RFX3: variants seen among roughly 807,000 people sequenced by gnomAD.
RFX3 encodes the protein regulatory factor X3.
In RFX3, 14 loss-of-function variants were observed where a neutral mutation model predicts 98.6. The ratio of observed to expected loss-of-function variants is 0.14; its 90% CI spans 0.09 to 0.22. The LOEUF (loss-of-function observed/expected upper bound fraction) is 0.22. Ranked by LOEUF, RFX3 falls within the 10% of genes least tolerant of loss-of-function variation. The pLI is 1.00. For missense variants in RFX3, 639 were observed against 926.9 expected, an observed-to-expected ratio of 0.69 and a Z score of 4.03; for synonymous variants, 383 against 328.4, an observed-to-expected ratio of 1.17 and a Z score of -1.80.
intron 1 of RFX3, among the ~76,000 whole-genome samples, chr9:3,442,096 AG>A (rs1443261142): frequency 6.6e-6 from 1 of 152,152 alleles, no homozygotes; most frequent in Non-Finnish European, 1.5e-5. Context: ...GCTACTTGGG[AG>A]GCTGAGGCAG....
chr9:3,391,019 T>A (rs755499905), intron 2 of RFX3, among the ~76,000 whole-genome samples: 1 of 152,186 alleles, frequency 6.6e-6, no homozygotes, highest in African/African-American at 2.4e-5. Context: ...AACTTTCTCT[T>A]TATGTCAAAA....
intron 9 of RFX3, 167 bp downstream of exon 9, chr9:3,275,333 C>A (rs934728166): frequency 2.2e-6 from 1 of 464,090 alleles, no homozygotes; most frequent in Non-Finnish European, 3.8e-6. Flanking sequence ...CATCTCTCCA[C>A]TCTGAGACCA....
chr9:3,467,009 TA>T (rs1189806798), intron 1 of RFX3, among the ~76,000 whole-genome samples: 4 of 144,496 alleles, frequency 2.8e-5, no homozygotes, highest in Non-Finnish European at 6.0e-5. Context: ...AGAAAGCTGA[TA>T]TACCTAAATC....
intron 2 of RFX3, among the ~76,000 whole-genome samples, chr9:3,370,846 T>C (rs906615499): frequency 6.6e-5 from 10 of 152,182 alleles, no homozygotes; most frequent in African/African-American, 2.4e-4. Context: ...TGCATGTGTC[T>C]ATGATGTGGG....
chr9:3,485,559 T>C (rs1254126082), intron 1 of RFX3, among the ~76,000 whole-genome samples: 5 of 152,322 alleles, frequency 3.3e-5, no homozygotes, highest in Non-Finnish European at 5.9e-5. Flanking sequence ...CCCTCTGTAT[T>C]TGTTATCAAT....
chr9:3,376,219 C>G (rs899824264), intron 2 of RFX3, among the ~76,000 whole-genome samples: 2 of 152,114 alleles, frequency 1.3e-5, no homozygotes, highest in African/African-American at 2.4e-5. Flanking sequence ...AAGTAGAACT[C>G]TCATATACTG....
intron 4 of RFX3, among the ~76,000 whole-genome samples, chr9:3,317,394 T>C (rs1051034534): frequency 1.3e-5 from 2 of 152,176 alleles, no homozygotes; most frequent in African/African-American, 4.8e-5. Context: ...ACTTAAATGT[T>C]AGACCTAAAA....
chr9:3,361,150 G>A (rs923212185), intron 2 of RFX3, among the ~76,000 whole-genome samples: 71 of 152,254 alleles, frequency 4.7e-4, no homozygotes, highest in Middle Eastern at 6.8e-3. Context: ...GGTAGAGGCT[G>A]CTATGTGACT....
At chr9:3,340,541 T>C (rs1347052014) in intron 3 of RFX3, among the ~76,000 whole-genome samples, 1 of 151,964 alleles carries the variant, frequency 6.6e-6, no homozygotes, top group Non-Finnish European at 1.5e-5. Flanking sequence ...CGCAATGAAC[T>C]CAAACAAATT....
At chr9:3,325,806 C>T (rs894665404) in intron 4 of RFX3, among the ~76,000 whole-genome samples, 1 of 151,976 alleles carries the variant, frequency 6.6e-6, no homozygotes, top group East Asian at 1.9e-4. Flanking sequence ...GGTTCCAAAA[C>T]TCTAAAATTC....
rs1400829617 is a variant in RFX3 at position 3,247,002 on chromosome 9, TTATTA to T, written c.1968+1025_1968+1029del. 1.2e-5 allele frequency: 11 copies of T among 884,244 alleles called. No individual in the cohort carries two copies. In the African/African-American group the frequency reaches 1.8e-4, roughly 15 times the overall value. 54.8% of individuals were successfully genotyped at this position (884,244 alleles called of 1,614,324 possible). ...ATTTTAATGTATTTTTATTTATACC[TTATTA>T]TATTAAACTAGGAAAAGCATTGAAT... On this transcript the variant is annotated intron_variant, in intron 15 of 16. Transcript: ENST00000617270.
rs181340732 is a variant in RFX3 at position 3,375,732 on chromosome 9, G to A, written c.117+19740C>T. ...TCCCAGCACCTTGGGAGGCCAAGGC[G>A]GGTGGATCACAAGGTCAGGAGATCG... On this transcript the variant is annotated intron_variant, in intron 2 of 16. Coordinates refer to ENST00000617270, the MANE Select transcript of RFX3 (RefSeq NM_001282116.2). Among the ~76,000 whole-genome samples the A allele has an allele frequency of 3.3e-4, 50 of 152,220 alleles. 2 individuals are homozygous for A. Among genetic ancestry groups the A allele is most frequent in the Admixed American group, 2.2e-3 (33 of 15,296 alleles).
At chr9:3,292,690 A>T (rs1276584854) in intron 6 of RFX3, among the ~76,000 whole-genome samples, 1 of 152,152 alleles carries the variant, frequency 6.6e-6, no homozygotes, top group East Asian at 1.9e-4. Context: ...TTACTATGTC[A>T]CTTAACTCAT....
rs144348768 is a variant in RFX3, at chr9:3,460,673, G to T, written c.-9+65074C>A. Reference sequence around the variant, plus strand: ...TGAAGCAGGATTTCATAGACTCTCAGAGCTAATACCTTACCTCCCTTAATC... The same window carrying T: ...TGAAGCAGGATTTCATAGACTCTCATAGCTAATACCTTACCTCCCTTAATC... On this transcript the variant is annotated intron_variant, in intron 1 of 16. Coordinates refer to ENST00000617270, the MANE Select transcript of RFX3 (RefSeq NM_001282116.2). 1.8e-3 allele frequency among the ~76,000 whole-genome samples: 280 copies of T among 151,942 alleles called. 1 individual carries two copies. Among genetic ancestry groups the T allele is most frequent in the African/African-American group, 6.5e-3 (269 of 41,476 alleles).
intron 7 of RFX3, among the ~76,000 whole-genome samples, chr9:3,279,784 GA>G (rs1825698523): frequency 6.6e-6 from 1 of 151,732 alleles, no homozygotes; most frequent in South Asian, 2.1e-4. Flanking sequence ...CTAATGAAAG[GA>G]GAGATTATAT....
chr9:3,406,060 G>A (rs911895187), intron 1 of RFX3, among the ~76,000 whole-genome samples: 5 of 152,028 alleles, frequency 3.3e-5, no homozygotes, highest in Admixed American at 6.6e-5. Context: ...AGTCCCTGGT[G>A]ATCCTCCCAT....
chr9:3,502,456 T>C (rs993771149), intron 1 of RFX3, among the ~76,000 whole-genome samples: 5 of 152,160 alleles, frequency 3.3e-5, no homozygotes, highest in African/African-American at 4.8e-5. Flanking sequence ...AACTCACTTA[T>C]ATATTTCACA....
intron 7 of RFX3, among the ~76,000 whole-genome samples, chr9:3,283,746 C>T (rs1826222591): frequency 6.6e-6 from 1 of 151,740 alleles, no homozygotes; most frequent in Non-Finnish European, 1.5e-5. Flanking sequence ...AATCCAATTG[C>T]TGTGAAGAGA....
At chr9:3,288,317 T>A (rs1419189726) in intron 6 of RFX3, 67 bp from the exon 7 acceptor site, 3 of 1,458,310 alleles carry the variant, frequency 2.1e-6, no homozygotes, top group Non-Finnish European at 2.9e-6. Flanking sequence ...ACATGGGATG[T>A]CCATTAAACT....
Sources: allele counts gnomAD v4.1 joint callset (sites outside exome capture counted in the v4.1 genomes callset), GRCh38; gene constraint gnomAD v4.1.1; transcripts MANE v1.5; gene names NCBI Gene and HGNC (gene_info 2026-07-23, HGNC 2026-07-21).